Variants in ATG14 observed in about 807,000 individuals in gnomAD.
The protein encoded by ATG14 is autophagy related 14, also known as beclin 1-associated autophagy-related key regulator.
Under a neutral mutation model 60.4 loss-of-function variants are expected in ATG14, and 35 were observed. The observed-to-expected ratio is 0.58, with a 90% CI of 0.44 to 0.77. The LOEUF (loss-of-function observed/expected upper bound fraction) is 0.77. Among genes scored for constraint, ATG14 ranks in the 30% least tolerant of loss-of-function variants. The pLI, the probability that ATG14 is intolerant of heterozygous loss-of-function variation, is 0.00. For missense variants in ATG14, 647 were observed against 626.3 expected, an observed-to-expected ratio of 1.03 and a Z score of -0.35; for synonymous variants, 234 against 228.8, an observed-to-expected ratio of 1.02 and a Z score of -0.21.
At chr14:55,395,289 C>T (rs768292222) in intron 3 of ATG14, 28 of 294,232 alleles carry the variant, frequency 9.5e-5, no homozygotes, top group Non-Finnish European at 1.9e-4. Context: ...GCATCTAGAG[C>T]CTCAGCAAAG....
chr14:55,402,067 T>C (rs1885408213), intron 1 of ATG14, among the ~76,000 whole-genome samples: 1 of 152,068 alleles, frequency 6.6e-6, no homozygotes, highest in Admixed American at 6.5e-5. Context: ...CACATAAATC[T>C]GCCTTATATT....
intron 1 of ATG14, among the ~76,000 whole-genome samples, chr14:55,400,945 A>G (rs967834648): frequency 6.6e-6 from 1 of 151,546 alleles, no homozygotes; most frequent in South Asian, 2.1e-4. Flanking sequence ...AAATAAAATA[A>G]AATAAAATAA....
intron 9 of ATG14, among the ~76,000 whole-genome samples, chr14:55,370,348 TAATA>T (rs1182201651): frequency 1.3e-5 from 2 of 152,224 alleles, no homozygotes; most frequent in African/African-American, 2.4e-5. Flanking sequence ...GTGTAATAAG[TAATA>T]AATGGTATAC....
At chr14:55,395,405 T>G (rs894651220) in intron 3 of ATG14, among the ~76,000 whole-genome samples, 1 of 152,232 alleles carries the variant, frequency 6.6e-6, no homozygotes, top group Non-Finnish European at 1.5e-5. Flanking sequence ...CAGGCTGGAG[T>G]GCTGTGGCAC....
rs543895212 is a variant in ATG14 at position 55,385,289 on chromosome 14, G to GT, written c.647+569dup. Among the ~76,000 whole-genome samples the GT allele has an allele frequency of 6.1e-4, 93 of 151,318 alleles. 1 individual carries two copies. In the South Asian group the frequency reaches 0.013, roughly 22 times the overall value. On this transcript the variant is annotated intron_variant, in intron 5 of 9. Transcript: ENST00000247178. ...ATACCACCCATCAGATGGTTCTCTG[G>GT]TTTTTTTTTGTTTGTTTCTTTGAGA...
At chr14:55,390,590 C>G (rs1885198113) in intron 4 of ATG14, among the ~76,000 whole-genome samples, 1 of 152,128 alleles carries the variant, frequency 6.6e-6, no homozygotes, top group Non-Finnish European at 1.5e-5. Flanking sequence ...TCAGGATGGT[C>G]TCGATCTCCT....
In ATG14 at chr14:55,385,869, T is replaced by C. The variant is rs370312827; in HGVS notation, c.637A>G (p.Thr213Ala). 33 of 1,611,236 alleles carry C rather than the reference T, an allele frequency of 2.0e-5. No individual in the cohort carries two copies. Among genetic ancestry groups the C allele is most frequent in the Admixed American group, 1.7e-4 (10 of 59,672 alleles). The change falls in exon 5 of 10, where the codon ACG becomes GCG. Residue 213 changes from threonine to alanine, a missense_variant. Physicochemically the swap from Thr to Ala is moderately conservative, Grantham distance 58. Transcript: ENST00000247178. ...SVIFPIEEVK[T>A]GVRDPADVSS... ...ACTTGCTTAATGTACCTCACACCCG[T>C]CTTTACTTCCTCGATTGGAAAAATG...
chr14:55,407,571 T>C lies in ATG14; in HGVS notation c.221+4031A>G, dbSNP rs139430777. On this transcript the variant is annotated intron_variant, in intron 1 of 9. Coordinates refer to ENST00000247178, the MANE Select transcript of ATG14 (RefSeq NM_014924.5). ...TGAGCCACTGCGCCCAACCCCTATG[T>C]TGAGTTTTAAAAGTTGTATTGCTTT... Among the ~76,000 whole-genome samples, 5 of 152,296 alleles carry C rather than the reference T, an allele frequency of 3.3e-5. No individual in the cohort carries two copies. In the East Asian group the frequency reaches 9.6e-4, roughly 29 times the overall value.
At position 55,390,995 on chromosome 14, in the gene ATG14, GA is replaced by G; in HGVS notation, c.328-4del. 5.6e-6 allele frequency: 9 copies of G among 1,596,718 alleles called. No individual in the cohort carries two copies. The highest frequency in any genetic ancestry group is 7.7e-6 in the Non-Finnish European group (9 of 1,169,418). On this transcript the variant is annotated splice_region_variant and splice_polypyrimidine_tract_variant and intron_variant, in intron 3 of 9. Coordinates refer to ENST00000247178, the MANE Select transcript of ATG14 (RefSeq NM_014924.5). ...TTGCAGGACATTATTTTCCATCTCT[GA>G]AAAAAGCATGTAATAAATATCACAA...
chr14:55,393,800 C>T (rs1408243514), intron 3 of ATG14, among the ~76,000 whole-genome samples: 2 of 152,122 alleles, frequency 1.3e-5, no homozygotes, highest in East Asian at 1.9e-4. Flanking sequence ...CAATCCACCT[C>T]GGACTCCCAA....
rs544370251 is a variant in ATG14, at chr14:55,406,277, T to C, written c.221+5325A>G. 2.0e-5 allele frequency among the ~76,000 whole-genome samples: 3 copies of C among 152,340 alleles called. No individual in the cohort carries two copies. In the South Asian group the frequency reaches 6.2e-4, roughly 32 times the overall value. On this transcript the variant is annotated intron_variant, in intron 1 of 9. Coordinates refer to ENST00000247178, the MANE Select transcript of ATG14 (RefSeq NM_014924.5). Reference sequence around the variant, plus strand: ...AAGAACTTTGATATGCATTATCACATTCAAGATCCATGCAGGCACAGACGG... The same window carrying C: ...AAGAACTTTGATATGCATTATCACACTCAAGATCCATGCAGGCACAGACGG...
At position 55,383,206 on chromosome 14, in the gene ATG14, T is replaced by C. The variant is rs1367011165; in HGVS notation, c.648-1015A>G. Among the ~76,000 whole-genome samples the C allele has an allele frequency of 2.4e-4, 37 of 152,168 alleles. 1 individual carries two copies. Among genetic ancestry groups the C allele is most frequent in the Non-Finnish European group, 2.9e-5 (2 of 67,982 alleles). ...GCCAGCCCTGTATTCACAGGTTCCA[T>C]GTCTTGAACTAACCGAGGACTGAAA... is the stretch of plus-strand genomic sequence containing the variant. On this transcript the variant is annotated intron_variant, in intron 5 of 9. Coordinates refer to ENST00000247178, the MANE Select transcript of ATG14 (RefSeq NM_014924.5).
At position 55,409,444 on chromosome 14, in the gene ATG14, A is replaced by AC. The variant is rs536660093; in HGVS notation, c.221+2157dup. 4.9e-3 allele frequency among the ~76,000 whole-genome samples: 749 copies of AC among 151,666 alleles called. 8 individuals are homozygous for AC. The highest frequency in any genetic ancestry group is 0.017 in the African/African-American group (717 of 41,252). ...GCAGTTAGACAAATTAATATGTACA[A>AC]CCATCACATGGTGGTAAGTGTTATG... is the stretch of plus-strand genomic sequence containing the variant. On this transcript the variant is annotated intron_variant, in intron 1 of 9. Transcript: ENST00000247178.
chr14:55,380,876 T>TATATATATA (rs1555341864), intron 6 of ATG14, among the ~76,000 whole-genome samples, 186 bp from the exon 7 acceptor site: 1,170 of 83,668 alleles, frequency 0.014, 10 homozygotes, highest in African/African-American at 0.061. Context: ...TATATATATA[T>TATATATATA]TTTTTTTTTT....
intron 9 of ATG14, 125 bp from the exon 10 acceptor site, chr14:55,370,050 A>C: frequency 1.2e-6 from 1 of 855,716 alleles, no homozygotes; most frequent in Non-Finnish European, 1.7e-6. Flanking sequence ...TCATTCCCCA[A>C]GTCTATGCAG....
chr14:55,385,274 T>C (rs1885103877), intron 5 of ATG14, among the ~76,000 whole-genome samples: 1 of 152,090 alleles, frequency 6.6e-6, no homozygotes, highest in African/African-American at 2.4e-5. Context: ...ATACCACCCA[T>C]CAGATGGTTC....
At chr14:55,376,377 T>G (rs1271648814) in intron 9 of ATG14, among the ~76,000 whole-genome samples, 5 of 152,126 alleles carry the variant, frequency 3.3e-5, no homozygotes, top group Admixed American at 6.6e-5. Flanking sequence ...AAACCAACCA[T>G]CAAAACTGGG....
At chr14:55,400,563 T>G (rs1019328064) in intron 1 of ATG14, among the ~76,000 whole-genome samples, 8 of 152,308 alleles carry the variant, frequency 5.3e-5, no homozygotes, top group Middle Eastern at 3.4e-3. Context: ...AATAGCCTAG[T>G]GCACTTTTAT....
intron 3 of ATG14, among the ~76,000 whole-genome samples, chr14:55,393,085 T>A (rs566784502): frequency 3.3e-5 from 5 of 152,254 alleles, no homozygotes; most frequent in African/African-American, 1.2e-4. Context: ...AAATTTTAAG[T>A]ATAATGAAAT....
Sources: gnomAD v4.1 joint callset for allele counts (sites outside exome capture counted in the v4.1 genomes callset) on GRCh38, gnomAD v4.1.1 for gene constraint, MANE v1.5 for transcripts, NCBI Gene and HGNC (gene_info 2026-07-23, HGNC 2026-07-21) for gene names.